Variants in TTC6 observed in about 807,000 individuals in gnomAD.
The protein encoded by TTC6 is tetratricopeptide repeat protein 6.
Under a neutral mutation model 210.4 loss-of-function variants are expected in TTC6, and 172 were observed. The observed-to-expected ratio is 0.82, with a 90% CI of 0.72 to 0.93. The LOEUF is 0.93. TTC6 is among the 40% of genes least tolerant of loss of function. The pLI is 0.00. For synonymous variants in TTC6, 804 were observed against 819.6 expected (o/e 0.98, Z 0.32); for missense variants, 2,414 against 2,318.1 (o/e 1.04, Z -0.85).
chr14:37,612,540 T>C (rs922623457), intron 2 of TTC6, among the ~76,000 whole-genome samples: 7 of 152,244 alleles, frequency 4.6e-5, no homozygotes, highest in Non-Finnish European at 7.3e-5. Flanking sequence ...AAACCTGCTG[T>C]ATTTTTTATT....
chr14:37,826,426 G>A, intron 28 of TTC6, 79 bp downstream of exon 30: 2 of 1,271,988 alleles, frequency 1.6e-6, no homozygotes, highest in South Asian at 4.1e-5. Context: ...GAAGTTCTCT[G>A]TTAGCTTTTT....
At chr14:37,714,537 T>C in intron 5 of TTC6, 118 bp from the exon 8 acceptor site, 1 of 688,750 alleles carries the variant, frequency 1.5e-6, no homozygotes, top group South Asian at 3.1e-5. Context: ...CAATCTCTGT[T>C]TAGTGCAGAT....
At chr14:37,716,542 A>G (rs944997333) in intron 6 of TTC6, among the ~76,000 whole-genome samples, 4 of 152,280 alleles carry the variant, frequency 2.6e-5, no homozygotes, top group South Asian at 4.1e-4. Flanking sequence ...TATTAATATC[A>G]GATAAGATAG....
intron 2 of TTC6, among the ~76,000 whole-genome samples, chr14:37,615,647 T>C (rs2095641533): frequency 6.6e-6 from 1 of 152,170 alleles, no homozygotes; most frequent in African/African-American, 2.4e-5. Context: ...TTTTTATTAA[T>C]CTCTAGCATA....
intron 14 of TTC6, among the ~76,000 whole-genome samples, chr14:37,758,748 T>C (rs561097733): frequency 1.4e-4 from 22 of 152,324 alleles, no homozygotes; most frequent in Non-Finnish European, 2.4e-4. Flanking sequence ...CTGGTTATTT[T>C]ATACATTAGT....
At chr14:37,789,020 T>A (rs1487419865) in intron 15 of TTC6, among the ~76,000 whole-genome samples, 1 of 152,150 alleles carries the variant, frequency 6.6e-6, no homozygotes, top group Non-Finnish European at 1.5e-5. Context: ...ACAAAATTCC[T>A]ATTATTTAAT....
intron 7 of TTC6, among the ~76,000 whole-genome samples, chr14:37,725,265 ATATG>A (rs1444191117): frequency 7.0e-6 from 1 of 142,272 alleles, no homozygotes; most frequent in Non-Finnish European, 1.5e-5. Flanking sequence ...ATACATGTAT[ATATG>A]TATATATATA....
intron 6 of TTC6, 28 bp from the exon 9 acceptor site, chr14:37,724,870 C>A: frequency 7.5e-7 from 1 of 1,337,304 alleles, no homozygotes; most frequent in Non-Finnish European, 1.0e-6. Flanking sequence ...CTTACCATTT[C>A]TAATAACCTT....
intron 1 of TTC6, among the ~76,000 whole-genome samples, chr14:37,635,999 A>AAT (rs2095679830): frequency 6.9e-6 from 1 of 145,910 alleles, no homozygotes; most frequent in African/African-American, 2.5e-5. Context: ...AAAAAAAAAA[A>AAT]AGAAAAAAAA....
chr14:37,722,878 G>A (rs1313590430), intron 6 of TTC6, among the ~76,000 whole-genome samples: 1 of 152,102 alleles, frequency 6.6e-6, no homozygotes, highest in South Asian at 2.1e-4. Flanking sequence ...CACCTAAGAA[G>A]TGGGGGGTTA....
At chr14:37,824,518 A>C (rs1393082920) in intron 27 of TTC6, among the ~76,000 whole-genome samples, 2 of 152,154 alleles carry the variant, frequency 1.3e-5, no homozygotes, top group Non-Finnish European at 2.9e-5. Context: ...ACTGAGCACT[A>C]AATGTAGAAC....
intron 1 of TTC6, among the ~76,000 whole-genome samples, chr14:37,630,129 A>G (rs1311850922): frequency 1.9e-4 from 29 of 151,930 alleles, no homozygotes; most frequent in Non-Finnish European, 7.4e-5. Context: ...TAGCTTTTAA[A>G]TTTATTTGTC....
At chr14:37,742,997 G>A (rs1223566987) in intron 10 of TTC6, among the ~76,000 whole-genome samples, 1 of 152,100 alleles carries the variant, frequency 6.6e-6, no homozygotes, top group Non-Finnish European at 1.5e-5. Context: ...TTATATCAAC[G>A]ATATATTGAG....
At chr14:37,768,172 G>A (rs1180872543) in intron 14 of TTC6, among the ~76,000 whole-genome samples, 1 of 149,934 alleles carries the variant, frequency 6.7e-6, no homozygotes, top group African/African-American at 2.4e-5. Flanking sequence ...CTCTGTTTTG[G>A]TACCAGTACC....
chr14:37,826,771 C>T (rs945860554), intron 28 of TTC6, among the ~76,000 whole-genome samples: 1 of 152,120 alleles, frequency 6.6e-6, no homozygotes, highest in East Asian at 1.9e-4. Context: ...TTACTTCTAG[C>T]TTTTGGGTTT....
intron 16 of TTC6, 143 bp from the exon 19 acceptor site, chr14:37,792,121 C>A: frequency 1.6e-6 from 1 of 632,834 alleles, no homozygotes. Flanking sequence ...GAGCAGCTAA[C>A]TAATTTACTT....
intron 1 of TTC6, among the ~76,000 whole-genome samples, chr14:37,657,212 CAAAAAAAAAAAAAA>C (rs61052302): frequency 2.8e-5 from 1 of 35,622 alleles, no homozygotes; most frequent in Non-Finnish European, 5.3e-5. Context: ...AACTCTGTCT[CAAAAAAAAAAAAAA>C]AAAAAAAAAA....
rs140978938 is a variant in TTC6 at position 37,793,792 on chromosome 14, T to C, written c.3708+1378T>C. ...CTCTGTGCAGTAATGATTGAATAAT[T>C]TGTGGTGCATTCACATCATAGAATG... On this transcript the variant is annotated intron_variant, in intron 17 of 30. Transcript: ENST00000553443. 5.0e-3 allele frequency among the ~76,000 whole-genome samples: 755 copies of C among 152,262 alleles called. 5 individuals carry two copies. The highest frequency in any genetic ancestry group is 8.5e-3 in the Non-Finnish European group (581 of 68,026).
intron 26 of TTC6, among the ~76,000 whole-genome samples, chr14:37,819,202 A>G (rs2096149751): frequency 1.3e-5 from 2 of 152,116 alleles, no homozygotes; most frequent in South Asian, 4.1e-4. Context: ...TCGAGTTCTA[A>G]GTTTTGCTGA....
Sources: gnomAD v4.1 joint callset for allele counts (sites outside exome capture counted in the v4.1 genomes callset) on GRCh38, gnomAD v4.1.1 for gene constraint, MANE v1.5 for transcripts, NCBI Gene and HGNC (gene_info 2026-07-23, HGNC 2026-07-21) for gene names.